Variants in BCKDHB observed in about 807,000 individuals in gnomAD.
The protein encoded by BCKDHB is branched chain keto acid dehydrogenase E1 subunit beta, also known as 2-oxoisovalerate dehydrogenase subunit beta, mitochondrial.
BCKDHB carries 41 observed loss-of-function variants against 48.5 expected under a neutral mutation model. The observed-to-expected ratio is 0.85, with a 90% CI of 0.66 to 1.10. BCKDHB has a LOEUF of 1.10. BCKDHB is among the 50% of genes least tolerant of loss of function. The pLI, the probability that BCKDHB is intolerant of heterozygous loss-of-function variation, is 0.00. For missense variants in BCKDHB, 496 were observed against 494.2 expected (o/e 1.00, Z -0.03); for synonymous variants, 201 against 174.8 (o/e 1.15, Z -1.18).
chr6:80,458,946 A>T, the BCKDHB span, among the ~76,000 whole-genome samples: 13 of 152,198 alleles, frequency 8.5e-5, no homozygotes, highest in Non-Finnish European at 1.8e-4. Flanking sequence ...ACTTGTCAGG[A>T]TGACTATTAT....
intron 8 of BCKDHB, among the ~76,000 whole-genome samples, chr6:80,243,544 A>T (rs1185830475): frequency 6.6e-6 from 1 of 152,252 alleles, no homozygotes; most frequent in South Asian, 2.1e-4. Context: ...CTCTCTCTAT[A>T]TTTTTTGAGT....
At chr6:80,364,938 G>C in the BCKDHB span, among the ~76,000 whole-genome samples, 3 of 152,168 alleles carry the variant, frequency 2.0e-5, no homozygotes, top group African/African-American at 7.2e-5. Flanking sequence ...TGGGCTACTG[G>C]GGGTGACATC....
intron 8 of BCKDHB, among the ~76,000 whole-genome samples, chr6:80,205,791 GGTGTGTGTGTGTGTGTGTGTGTGT>G (rs3840387): frequency 2.2e-5 from 3 of 135,106 alleles, no homozygotes; most frequent in East Asian, 2.2e-4. Flanking sequence ...CTGTGCCATG[GGTGTGTGTGTGTGTGTGTGTGTGT>G]GTGTGTGTGT....
the BCKDHB span, among the ~76,000 whole-genome samples, chr6:80,416,176 C>T: frequency 6.6e-6 from 1 of 150,608 alleles, no homozygotes; most frequent in East Asian, 1.9e-4. Context: ...CTTAGTCTAG[C>T]TAGTGGTCTA....
intron 8 of BCKDHB, among the ~76,000 whole-genome samples, chr6:80,214,133 G>T (rs1042706675): frequency 2.5e-4 from 38 of 152,188 alleles, no homozygotes; most frequent in African/African-American, 8.2e-4. Flanking sequence ...CGATCAGGGA[G>T]CAGAGGTCTT....
the BCKDHB span, among the ~76,000 whole-genome samples, chr6:80,416,834 C>CT: frequency 6.7e-6 from 1 of 149,684 alleles, no homozygotes; most frequent in Non-Finnish European, 1.5e-5. Flanking sequence ...TTTTTATTTG[C>CT]TTTTTTTGTT....
intron 8 of BCKDHB, among the ~76,000 whole-genome samples, chr6:80,249,692 A>C (rs978280023): frequency 2.6e-5 from 4 of 152,192 alleles, no homozygotes; most frequent in Admixed American, 6.6e-5. Context: ...AGTGCGGTGA[A>C]CATGAATTTT....
the BCKDHB span, among the ~76,000 whole-genome samples, chr6:80,353,899 TATG>T: frequency 6.6e-6 from 1 of 152,162 alleles, no homozygotes; most frequent in Non-Finnish European, 1.5e-5. Context: ...CTGACTAAGG[TATG>T]ATGATGTCTC....
chr6:80,266,922 G>A (rs1243388985), intron 8 of BCKDHB, among the ~76,000 whole-genome samples: 2 of 151,964 alleles, frequency 1.3e-5, no homozygotes, highest in Non-Finnish European at 2.9e-5. Context: ...CAGAATATTT[G>A]TTAGTTCTGA....
chr6:80,346,397 A>T (rs1770201472), downstream of BCKDHB: 1 of 152,148 alleles, frequency 6.6e-6, no homozygotes, highest in African/African-American at 2.4e-5. Flanking sequence ...GTGACTTCTC[A>T]ACTTTATTGT....
intron 6 of BCKDHB, among the ~76,000 whole-genome samples, chr6:80,199,266 G>A (rs1314077421): frequency 6.6e-6 from 1 of 152,096 alleles, no homozygotes. Context: ...AGTGAGAGCC[G>A]TCCACAGCAG....
chr6:80,372,423 A>G, the BCKDHB span, among the ~76,000 whole-genome samples: 2 of 152,134 alleles, frequency 1.3e-5, no homozygotes, highest in African/African-American at 2.4e-5. Context: ...GTCTTTACCA[A>G]TTTGGATGCC....
chr6:80,333,353 T>A (rs1769417297), intron 9 of BCKDHB, among the ~76,000 whole-genome samples: 1 of 152,324 alleles, frequency 6.6e-6, no homozygotes, highest in Admixed American at 6.5e-5. Flanking sequence ...GGAGACTATA[T>A]AAACAGCTAT....
intron 1 of BCKDHB, among the ~76,000 whole-genome samples, chr6:80,126,245 G>C (rs1042618628): frequency 6.6e-6 from 1 of 152,122 alleles, no homozygotes; most frequent in Non-Finnish European, 1.5e-5. Flanking sequence ...ACTGTTGAAA[G>C]GATCAGAGAG....
Position 80,224,765 on chromosome 6 carries a change from G to T in BCKDHB, c.951+21553G>T, listed in dbSNP as rs142601876. Reference sequence around the variant, plus strand: ...ATTATAATGCTACTGTATTGCCACAGTTTTACAACTGAGTCAGTTTTGCCC... The same window carrying T: ...ATTATAATGCTACTGTATTGCCACATTTTTACAACTGAGTCAGTTTTGCCC... On this transcript the variant is annotated intron_variant, in intron 8 of 9. Transcript: ENST00000320393. Among the ~76,000 whole-genome samples the T allele has an allele frequency of 1.6e-3, 249 of 152,254 alleles. 2 individuals carry two copies. The highest frequency in any genetic ancestry group is 5.2e-3 in the African/African-American group (216 of 41,546).
chr6:80,143,767 G>T (rs1431168774), intron 3 of BCKDHB, among the ~76,000 whole-genome samples: 1 of 152,152 alleles, frequency 6.6e-6, no homozygotes, highest in Non-Finnish European at 1.5e-5. Flanking sequence ...GTGGCATCCT[G>T]CCATCCTTCC....
chr6:80,129,308 A>C, intron 3 of BCKDHB, 79 bp downstream of exon 3: 1 of 1,265,344 alleles, frequency 7.9e-7, no homozygotes, highest in South Asian at 1.2e-5. Context: ...ATGCCTACTA[A>C]ATTTTTTGTC....
At chr6:80,292,492 C>T (rs1207924702) in intron 9 of BCKDHB, among the ~76,000 whole-genome samples, 1 of 152,060 alleles carries the variant, frequency 6.6e-6, no homozygotes, top group African/African-American at 2.4e-5. Context: ...AAGACCCATC[C>T]CCATGATTCA....
intron 9 of BCKDHB, among the ~76,000 whole-genome samples, chr6:80,333,681 T>C (rs1769432568): frequency 1.3e-5 from 2 of 152,180 alleles, no homozygotes; most frequent in African/African-American, 2.4e-5. Flanking sequence ...ATTGAATTTA[T>C]GTAGTTTAGC....
Sources: gnomAD v4.1 joint callset for allele counts (sites outside exome capture counted in the v4.1 genomes callset) on GRCh38, gnomAD v4.1.1 for gene constraint, MANE v1.5 for transcripts, NCBI Gene and HGNC (gene_info 2026-07-23, HGNC 2026-07-21) for gene names.